Variants in CDV3 observed in about 807,000 individuals in gnomAD.
CDV3 encodes protein CDV3 homolog.
Under a neutral mutation model 24.5 loss-of-function variants are expected in CDV3, and 14 were observed. The ratio of observed to expected loss-of-function variants is 0.57; its 90% CI spans 0.38 to 0.89. The LOEUF (loss-of-function observed/expected upper bound fraction) is 0.89. CDV3 is among the 40% of genes least tolerant of loss of function. CDV3 has a pLI of 0.00. For missense variants in CDV3, 304 were observed against 310.2 expected (o/e 0.98, Z 0.15); for synonymous variants, 114 against 114.1 (o/e 1.00, Z 0.00).
rs1275213036 is a variant in CDV3 at position 133,588,908 on chromosome 3, A to AT, written c.*864dup. Reference sequence around the variant, plus strand: ...TGAAATAAGTTCTTTGACAGAGCATATTGCTTGGTTAATTAAGTAACCTAA... The same window carrying AT: ...TGAAATAAGTTCTTTGACAGAGCATATTTGCTTGGTTAATTAAGTAACCTAA... On this transcript the variant is annotated 3_prime_UTR_variant, in exon 5 of 5. Transcript: ENST00000264993. The AT allele has an allele frequency of 6.5e-6, 1 of 152,936 alleles. No individual in the cohort carries two copies. The highest frequency in any genetic ancestry group is 1.5e-5 in the Non-Finnish European group (1 of 68,526). The allele number at this position is 152,936 out of a possible 1,614,324, so 9.5% of individuals were successfully genotyped here.
At position 133,588,002 on chromosome 3, in the gene CDV3, G is replaced by T. The variant is rs776530338; in HGVS notation, c.733G>T (p.Ala245Ser). The T allele has an allele frequency of 1.2e-6, 2 of 1,614,018 alleles. No individual in the cohort carries two copies. The highest frequency in any genetic ancestry group is 2.2e-5 in the South Asian group (2 of 91,078). ...TAAACTTCAGCTAGACAACCAATAT[G>T]CTGTGCTTGAAAATCAGAAAAGCAG... ...ALKLQLDNQY[A>S]VLENQKSSHS... Residue 245 changes from alanine to serine, a missense_variant, in exon 5 of 5, where the codon GCT becomes TCT. Around this residue, in one of 3 missense-constraint regions of CDV3, gnomAD observed 56 missense variants for 50.9 expected, o/e 1.10. Coordinates refer to ENST00000264993, the MANE Select transcript of CDV3 (RefSeq NM_017548.5).
At chr3:133,584,190 A>G (rs1933353716) in intron 3 of CDV3, 40 bp downstream of exon 3, 2 of 1,479,040 alleles carry the variant, frequency 1.4e-6, no homozygotes, top group Non-Finnish European at 9.3e-7. Flanking sequence ...TGTCTAATTT[A>G]TATATGATTT....
Position 133,587,984 on chromosome 3 carries a change from C to A in CDV3, c.715C>A (p.Gln239Lys), listed in dbSNP as rs151259171. The A allele has an allele frequency of 6.2e-7, 1 of 1,614,086 alleles. No individual in the cohort carries two copies. The highest frequency in any genetic ancestry group is 8.5e-7 in the Non-Finnish European group (1 of 1,180,002). The change falls in exon 5 of 5, where the codon CAG becomes AAG. Residue 239 changes from glutamine (Q) to lysine (K), a missense_variant. By Grantham distance (53) the Gln-to-Lys change is moderately conservative. This residue lies in a region of CDV3 where 56 missense variants were observed against 50.9 expected (regional missense o/e 1.10). Transcript: ENST00000264993. ...EVSKNQALKLQLDNQYAVLEN... is the reference protein window; with the variant it reads ...EVSKNQALKLKLDNQYAVLEN... ...TTCAAAAAACCAGGCCCTTAAACTT[C>A]AGCTAGACAACCAATATGCTGTGCT...
chr3:133,587,449 C>T, intron 4 of CDV3: 1 of 1,154,390 alleles, frequency 8.7e-7, no homozygotes, highest in East Asian at 4.1e-5. Context: ...ACTCGAGTTT[C>T]TTTACCTGAT....
At chr3:133,583,658 G>C (rs1933293398) in intron 2 of CDV3, among the ~76,000 whole-genome samples, 1 of 152,160 alleles carries the variant, frequency 6.6e-6, no homozygotes, top group South Asian at 2.1e-4. Flanking sequence ...TGCCTTCCGG[G>C]TTCAAGGGAT....
intron 2 of CDV3, among the ~76,000 whole-genome samples, chr3:133,576,211 G>C (rs752411514): frequency 1.3e-5 from 2 of 152,210 alleles, no homozygotes; most frequent in Non-Finnish European, 2.9e-5. Context: ...GAAACCCCCA[G>C]ATTGATAATG....
intron 2 of CDV3, among the ~76,000 whole-genome samples, chr3:133,579,990 C>CT (rs1378400099): frequency 4.6e-5 from 7 of 152,120 alleles, no homozygotes; most frequent in African/African-American, 1.7e-4. Context: ...TATTATTATA[C>CT]TTTAAGTTCT....
rs1933827533 is a variant in CDV3, at chr3:133,588,467, C to G, written c.*421C>G. ...ACAACTATTAAGTGTCGATGTGAACCTTGCAACCAGCTCTACTGGATTCTT... is the reference window on the plus strand; with the variant it reads ...ACAACTATTAAGTGTCGATGTGAACGTTGCAACCAGCTCTACTGGATTCTT... On this transcript the variant is annotated 3_prime_UTR_variant, in exon 5 of 5. Coordinates refer to ENST00000264993, the MANE Select transcript of CDV3 (RefSeq NM_017548.5). The G allele has an allele frequency of 8.6e-7, 1 of 1,156,416 alleles. No homozygotes were observed. The highest frequency in any genetic ancestry group is 1.2e-6 in the Non-Finnish European group (1 of 805,804). 71.6% of individuals were successfully genotyped at this position (1,156,416 alleles called of 1,614,324 possible). A position where few individuals can be genotyped will look rare whatever the true frequency, so the allele number is the denominator to read the frequency against.
At chr3:133,584,293 A>G (rs1933365876) in intron 3 of CDV3, 143 bp downstream of exon 3, 2 of 568,534 alleles carry the variant, frequency 3.5e-6, no homozygotes, top group Non-Finnish European at 6.1e-6. Flanking sequence ...ATGTGTATAT[A>G]TCTTGTTAAA....
Position 133,588,210 on chromosome 3 carries a change from C to A in CDV3, c.*164C>A. ...TGGAAGTTAAAGTGTCACGACTGCT[C>A]TATGCATATTGGATTTAGGGGAATT... On this transcript the variant is annotated 3_prime_UTR_variant, in exon 5 of 5. Transcript: ENST00000264993. 6.5e-7 allele frequency: 1 copy of A among 1,537,176 alleles called. No individual in the cohort carries two copies. The highest frequency in any genetic ancestry group is 1.2e-5 in the South Asian group (1 of 80,528).
intron 2 of CDV3, among the ~76,000 whole-genome samples, chr3:133,580,786 C>A (rs144291944): frequency 1.8e-4 from 27 of 152,220 alleles, no homozygotes; most frequent in African/African-American, 6.3e-4. Flanking sequence ...AGTGATCCTC[C>A]CACCTTGGCC....
rs1295930961 is a variant in CDV3 at position 133,587,576 on chromosome 3, A to G, written c.627-320A>G. 4.5e-6 allele frequency: 5 copies of G among 1,109,956 alleles called. No homozygotes were observed. In the South Asian group the frequency reaches 1.6e-4, roughly 35 times the overall value. The allele number at this position is 1,109,956 out of a possible 1,614,324, so 68.8% of individuals were successfully genotyped here. On this transcript the variant is annotated intron_variant, in intron 4 of 4. Transcript: ENST00000264993. ...GCATAAAGAGAGAGATGTATTATCT[A>G]TTACTTGCTAAAAGTAAGAGTCTTA...
intron 2 of CDV3, among the ~76,000 whole-genome samples, chr3:133,578,870 T>G (rs2074915988): frequency 2.0e-5 from 3 of 152,238 alleles, no homozygotes; most frequent in South Asian, 2.1e-4. Flanking sequence ...GGTAAAGAGA[T>G]AAGGCTGTTC....
At chr3:133,584,792 A>T (rs771874101) in intron 3 of CDV3, among the ~76,000 whole-genome samples, 52 of 152,288 alleles carry the variant, frequency 3.4e-4, no homozygotes, top group Non-Finnish European at 5.1e-4. Flanking sequence ...AAGGAATCTT[A>T]TACCTTAACA....
At position 133,588,441 on chromosome 3, in the gene CDV3, T is replaced by TC; in HGVS notation, c.*395_*396insC. On this transcript the variant is annotated 3_prime_UTR_variant, in exon 5 of 5. Transcript: ENST00000264993. ...GATCACAACTTCTGGATAAGAAGAT[T>TC]ACAACTATTAAGTGTCGATGTGAAC... 1 of 1,364,428 alleles carries TC rather than the reference T, an allele frequency of 7.3e-7. No homozygotes were observed. The highest frequency in any genetic ancestry group is 1.0e-6 in the Non-Finnish European group (1 of 991,348). 84.5% of individuals were successfully genotyped at this position (1,364,428 alleles called of 1,614,324 possible). A position where few individuals can be genotyped will look rare whatever the true frequency, so the allele number is the denominator to read the frequency against.
chr3:133,583,426 T>A (rs1000750541), intron 2 of CDV3, among the ~76,000 whole-genome samples: 2 of 152,226 alleles, frequency 1.3e-5, no homozygotes, highest in African/African-American at 4.8e-5. Context: ...ATCCTTCAGC[T>A]CACCTTCTTC....
At position 133,588,001 on chromosome 3, in the gene CDV3, T is replaced by C; in HGVS notation, c.732T>C (p.Tyr244=). 3 of 1,614,076 alleles carry C rather than the reference T, an allele frequency of 1.9e-6. No individual in the cohort carries two copies. Among genetic ancestry groups the C allele is most frequent in the South Asian group, 2.2e-5 (2 of 91,078 alleles). ...TTAAACTTCAGCTAGACAACCAATA[T>C]GCTGTGCTTGAAAATCAGAAAAGCA... ...QALKLQLDNQ[Y]AVLENQKSSH... is the part of the protein sequence containing the mutation. Residue 244 remains tyrosine, a synonymous_variant, in exon 5 of 5, where the codon TAT becomes TAC. Transcript: ENST00000264993.
chr3:133,585,811 A>C (rs1933542662), intron 3 of CDV3, among the ~76,000 whole-genome samples: 1 of 152,130 alleles, frequency 6.6e-6, no homozygotes, highest in Admixed American at 6.5e-5. Flanking sequence ...CTAGAATCTT[A>C]AAAAATAACC....
At chr3:133,587,519 A>C in intron 4 of CDV3, 1 of 1,103,392 alleles carries the variant, frequency 9.1e-7, no homozygotes, top group Non-Finnish European at 1.1e-6. Context: ...AATGAGTAGA[A>C]TTTACTTGAA....
Sources: allele counts gnomAD v4.1 joint callset (sites outside exome capture counted in the v4.1 genomes callset), GRCh38; gene constraint gnomAD v4.1.1; regional missense constraint gnomAD v4.1.1; transcripts MANE v1.5; gene names NCBI Gene and HGNC (gene_info 2026-07-23, HGNC 2026-07-21).